TOP1: variants seen among roughly 807,000 people sequenced by gnomAD.
TOP1 encodes the protein DNA topoisomerase 1.
Under a neutral mutation model 111.1 loss-of-function variants are expected in TOP1, and 10 were observed. That is an observed-to-expected ratio of 0.09 (90% CI 0.06 to 0.15). TOP1 has a LOEUF of 0.15. TOP1 is among the 10% of genes least tolerant of loss of function. The pLI is 1.00. For synonymous variants in TOP1, 271 were observed against 302.9 expected (o/e 0.89, Z 1.10); for missense variants, 474 against 926.7 (o/e 0.51, Z 6.34).
intron 17 of TOP1, among the ~76,000 whole-genome samples, chr20:41,117,424 C>T (rs1299847309): frequency 1.8e-5 from 2 of 111,128 alleles, no homozygotes; most frequent in African/African-American, 7.3e-5. Flanking sequence ...GTCTTGCTGT[C>T]ACCCAGGTTG....
intron 2 of TOP1, among the ~76,000 whole-genome samples, chr20:41,035,066 TTTTTGTAGAGACGAGG>T (rs752175715): frequency 4.6e-5 from 7 of 152,164 alleles, no homozygotes; most frequent in Non-Finnish European, 1.0e-4. Flanking sequence ...ATTTTTGCAT[TTTTTGTAGAGACGAGG>T]TTTCTCGCCA....
rs569374571 is a variant in TOP1, at chr20:41,112,575, C to T, written c.1309-207C>T. 1.3e-5 allele frequency among the ~76,000 whole-genome samples: 2 copies of T among 152,334 alleles called. No individual in the cohort carries two copies. The highest frequency in any genetic ancestry group is 2.1e-4 in the South Asian group (1 of 4,832). On this transcript the variant is annotated intron_variant, in intron 13 of 20. Transcript: ENST00000361337. The surrounding 1 kb of genome is among the most constrained non-coding windows in gnomAD (Gnocchi z 5.8). ...AAGTTCCTGCTCTTTTGTTCAAAGT[C>T]TTGCTTTGTCACCCATGGTGGAGTG...
intron 8 of TOP1, among the ~76,000 whole-genome samples, chr20:41,087,974 T>C (rs1359607702): frequency 6.6e-6 from 1 of 152,162 alleles, no homozygotes; most frequent in South Asian, 2.1e-4. Flanking sequence ...TATGCACTCA[T>C]GGGGAGGCTA....
At chr20:41,044,703 G>A (rs2033311696) in intron 2 of TOP1, among the ~76,000 whole-genome samples, 1 of 152,164 alleles carries the variant, frequency 6.6e-6, no homozygotes, top group Non-Finnish European at 1.5e-5. Flanking sequence ...TCATCCAGTA[G>A]AACTTTTTGT....
At position 41,079,878 on chromosome 20, in the gene TOP1, T is replaced by C. The variant is rs1001973236; in HGVS notation, c.336-207T>C. 1.3e-5 allele frequency among the ~76,000 whole-genome samples: 2 copies of C among 152,340 alleles called. No homozygotes were observed. Among genetic ancestry groups the C allele is most frequent in the Non-Finnish European group, 1.5e-5 (1 of 68,028 alleles). ...AGAGTCTTGATCCCAAATCCTGATATTGCCCATTCACCTGTACAATGAGGA... is the reference window on the plus strand; with the variant it reads ...AGAGTCTTGATCCCAAATCCTGATACTGCCCATTCACCTGTACAATGAGGA... On this transcript the variant is annotated intron_variant, in intron 5 of 20. Coordinates refer to ENST00000361337, the MANE Select transcript of TOP1 (RefSeq NM_003286.4). This position sits in a 1 kb window ranked among gnomAD's most constrained non-coding sequence, Gnocchi z 4.0.
intron 3 of TOP1, among the ~76,000 whole-genome samples, chr20:41,062,223 A>G (rs972358343): frequency 6.6e-6 from 1 of 152,200 alleles, no homozygotes; most frequent in Non-Finnish European, 1.5e-5. Context: ...TCCCATTCCC[A>G]TAGTGGCCTG....
At chr20:41,093,657 T>C (rs1315627831) in intron 9 of TOP1, among the ~76,000 whole-genome samples, 2 of 152,168 alleles carry the variant, frequency 1.3e-5, no homozygotes, top group Admixed American at 1.3e-4. Context: ...TGGGGTGGGA[T>C]TGAGTACTTC....
At chr20:41,113,095 C>A (rs1212135530) in intron 14 of TOP1, among the ~76,000 whole-genome samples, 170 bp downstream of exon 14, 21 of 152,198 alleles carry the variant, frequency 1.4e-4, no homozygotes, top group Admixed American at 2.6e-4. Flanking sequence ...TTACTGTGAG[C>A]AGTAGATTCT....
chr20:41,033,319 C>T (rs1433069727), intron 2 of TOP1, among the ~76,000 whole-genome samples: 2 of 146,390 alleles, frequency 1.4e-5, no homozygotes, highest in Non-Finnish European at 3.0e-5. Context: ...CAAGGTCAGT[C>T]CCCAAATCTC....
At position 41,028,846 on chromosome 20, in the gene TOP1, CA is replaced by C; in HGVS notation, c.-220del. 2 of 534,868 alleles carry C rather than the reference CA, an allele frequency of 3.7e-6. No homozygotes were observed. The highest frequency in any genetic ancestry group is 4.5e-5 in the South Asian group (2 of 44,326). The allele number at this position is 534,868 out of a possible 1,614,324, so 33.1% of individuals were successfully genotyped here. On this transcript the variant is annotated 5_prime_UTR_variant, in exon 1 of 21. Transcript: ENST00000361337. ...CCAAATGCGAACTTAGGCTGTTACA[CA>C]ACTGCTGGGGTCTGTTCTCGCCGCC...
intron 18 of TOP1, among the ~76,000 whole-genome samples, chr20:41,120,493 C>T (rs1003026660): frequency 6.6e-6 from 1 of 152,198 alleles, no homozygotes; most frequent in Non-Finnish European, 1.5e-5. Context: ...CTCTGAGTAG[C>T]GTGAGCTCAG....
chr20:41,087,033 T>A (rs1490115859), intron 8 of TOP1, among the ~76,000 whole-genome samples: 5 of 152,230 alleles, frequency 3.3e-5, no homozygotes, highest in Non-Finnish European at 7.3e-5. Flanking sequence ...CCTTATGCTA[T>A]CCTACTAAAA....
intron 11 of TOP1, among the ~76,000 whole-genome samples, chr20:41,099,735 T>C (rs921315088): frequency 6.6e-6 from 1 of 152,244 alleles, no homozygotes; most frequent in African/African-American, 2.4e-5. Flanking sequence ...TTTCCTGTTT[T>C]GATAGTACTC....
intron 9 of TOP1, among the ~76,000 whole-genome samples, chr20:41,096,790 C>T (rs1282590981): frequency 1.3e-5 from 2 of 152,224 alleles, no homozygotes. Context: ...CTTTCTTCCA[C>T]TCCCTGCCCT....
rs570956091 is a variant in TOP1 at position 41,032,529 on chromosome 20, A to G, written c.58+3074A>G. Among the ~76,000 whole-genome samples the G allele has an allele frequency of 6.6e-6, 1 of 152,198 alleles. No individual in the cohort carries two copies. The highest frequency in any genetic ancestry group is 1.5e-5 in the Non-Finnish European group (1 of 68,038). On this transcript the variant is annotated intron_variant, in intron 2 of 20. Transcript: ENST00000361337. This position sits in a 1 kb window ranked among gnomAD's most constrained non-coding sequence, Gnocchi z 4.3. The stretch of plus-strand genomic sequence containing the variant: ...ATTGATAATGGTAATACCAGGTTAA[A>G]GTGTTAGCGATTCTTCTGCTGTTTC...
At position 41,029,009 on chromosome 20, in the gene TOP1, C is replaced by T. The variant is rs549129125; in HGVS notation, c.-59C>T. ...CCGTCCGCCCGCACAGGCCGGTTCG[C>T]CGTCTGCGTCTCCCCCACGCCGCCT... is the stretch of plus-strand genomic sequence containing the variant. On this transcript the variant is annotated 5_prime_UTR_variant, in exon 1 of 21. Coordinates refer to ENST00000361337, the MANE Select transcript of TOP1 (RefSeq NM_003286.4). The surrounding 1 kb of genome is among the most constrained non-coding windows in gnomAD (Gnocchi z 6.1). 4 of 1,492,950 alleles carry T rather than the reference C, an allele frequency of 2.7e-6. No homozygotes were observed. Among genetic ancestry groups the T allele is most frequent in the Admixed American group, 1.9e-5 (1 of 51,586 alleles). The allele number at this position is 1,492,950 out of a possible 1,614,324, so 92.5% of individuals were successfully genotyped here. A position where few individuals can be genotyped will look rare whatever the true frequency, so the allele number is the denominator to read the frequency against.
Position 41,114,581 on chromosome 20 carries a change from A to C in TOP1, c.1638+426A>C, listed in dbSNP as rs904707781. Among the ~76,000 whole-genome samples, 1 of 152,236 alleles carries C rather than the reference A, an allele frequency of 6.6e-6. No individual in the cohort carries two copies. The highest frequency in any genetic ancestry group is 1.5e-5 in the Non-Finnish European group (1 of 68,038). ...CAGTATTCAATGGAGCATGCTGTAG[A>C]ATAGGCCCTTAGAGCAAACTCAGCA... On this transcript the variant is annotated intron_variant, in intron 15 of 20. Transcript: ENST00000361337. This position sits in a 1 kb window ranked among gnomAD's most constrained non-coding sequence, Gnocchi z 4.5.
At chr20:41,072,764 T>C (rs1439951499) in intron 3 of TOP1, 1 of 985,338 alleles carries the variant, frequency 1.0e-6, no homozygotes, top group African/African-American at 1.7e-5. Flanking sequence ...TTCAGAAGCC[T>C]GGTGGAGCTC....
chr20:41,107,017 C>G (rs1468320919), intron 13 of TOP1, among the ~76,000 whole-genome samples: 2 of 152,132 alleles, frequency 1.3e-5, no homozygotes, highest in Non-Finnish European at 2.9e-5. Flanking sequence ...CTCATACCTT[C>G]TGGGGTTTCT....
Sources: allele counts gnomAD v4.1 joint callset (sites outside exome capture counted in the v4.1 genomes callset), GRCh38; gene constraint gnomAD v4.1.1; non-coding constraint Gnocchi (gnomAD v3.1); transcripts MANE v1.5; gene names NCBI Gene and HGNC (gene_info 2026-07-23, HGNC 2026-07-21).